Variants in PTPRK observed in about 807,000 individuals in gnomAD.
PTPRK encodes protein tyrosine phosphatase receptor type K, also known as receptor-type tyrosine-protein phosphatase kappa.
Under a neutral mutation model 178.0 loss-of-function variants are expected in PTPRK, and 75 were observed. The ratio of observed to expected loss-of-function variants is 0.42; its 90% CI spans 0.35 to 0.51. The LOEUF is 0.51. PTPRK is among the 20% of genes least tolerant of loss of function. The pLI, the probability that PTPRK is intolerant of heterozygous loss-of-function variation, is 0.02. For missense variants in PTPRK, 1,441 were observed against 1,797.8 expected (o/e 0.80, Z 3.59); for synonymous variants, 637 against 620.6 (o/e 1.03, Z -0.39).
At position 128,121,431 on chromosome 6, in the gene PTPRK, T is replaced by C. The variant is rs193258901; in HGVS notation, c.1163-31439A>G. 2.0e-5 allele frequency among the ~76,000 whole-genome samples: 3 copies of C among 151,700 alleles called. No homozygotes were observed. In the East Asian group the frequency reaches 5.8e-4, roughly 29 times the overall value. On this transcript the variant is annotated intron_variant, in intron 7 of 29. Transcript: ENST00000368226. The stretch of plus-strand genomic sequence containing the variant: ...GACAACACTTGAATGATGTAATTTG[T>C]GTGTGTGTGTGTGAGGCTATCCAGG...
intron 6 of PTPRK, among the ~76,000 whole-genome samples, chr6:128,190,317 C>T (rs1351181439): frequency 6.6e-6 from 1 of 152,032 alleles, no homozygotes; most frequent in African/African-American, 2.4e-5. Context: ...CCAAACAACT[C>T]ATCATAAATT....
At chr6:128,188,309 A>T (rs1048416112) in intron 6 of PTPRK, among the ~76,000 whole-genome samples, 2 of 152,274 alleles carry the variant, frequency 1.3e-5, no homozygotes, top group African/African-American at 4.8e-5. Flanking sequence ...AAATACTCCC[A>T]TTCAGTTATT....
chr6:128,207,611 A>G (rs1417148855), intron 6 of PTPRK, among the ~76,000 whole-genome samples: 1 of 152,330 alleles, frequency 6.6e-6, no homozygotes, highest in South Asian at 2.1e-4. Flanking sequence ...TACCATATAT[A>G]CAAAAGCAGT....
chr6:128,163,313 TAAG>T (rs1798947377), intron 7 of PTPRK, among the ~76,000 whole-genome samples: 1 of 150,964 alleles, frequency 6.6e-6, no homozygotes, highest in Non-Finnish European at 1.5e-5. Flanking sequence ...ATGTTAGAAA[TAAG>T]TATTAATAAT....
chr6:128,433,408 ACCATAGTGAACTCCACGTCCATC>A, intron 1 of PTPRK, among the ~76,000 whole-genome samples: 1 of 152,192 alleles, frequency 6.6e-6, no homozygotes, highest in African/African-American at 2.4e-5. Context: ...TATTTCACTT[ACCATAGTGAACTCCACGTCCATC>A]CCTGCTGTTG....
At chr6:128,333,129 C>T (rs1013415379) in intron 2 of PTPRK, among the ~76,000 whole-genome samples, 6 of 152,158 alleles carry the variant, frequency 3.9e-5, no homozygotes, top group Non-Finnish European at 5.9e-5. Context: ...TCATCACTCA[C>T]CTTTCCAAAA....
chr6:128,295,209 A>G (rs1205261651), intron 3 of PTPRK, among the ~76,000 whole-genome samples: 1 of 152,132 alleles, frequency 6.6e-6, no homozygotes, highest in Non-Finnish European at 1.5e-5. Context: ...AACAGGTCAT[A>G]AAGTATGATT....
chr6:128,216,398 G>A (rs1469689503), intron 6 of PTPRK, among the ~76,000 whole-genome samples: 3 of 151,920 alleles, frequency 2.0e-5, no homozygotes, highest in Non-Finnish European at 2.9e-5. Context: ...AGCTGGGTGC[G>A]GTGGCACACA....
chr6:128,025,286 AGATTGTTTT>A (rs1337337334), intron 13 of PTPRK, among the ~76,000 whole-genome samples: 3 of 152,226 alleles, frequency 2.0e-5, no homozygotes. Flanking sequence ...TGGCTCAGAC[AGATTGTTTT>A]CTCTAACTTT....
intron 7 of PTPRK, among the ~76,000 whole-genome samples, chr6:128,106,704 A>G (rs1311125138): frequency 6.6e-6 from 1 of 152,196 alleles, no homozygotes; most frequent in African/African-American, 2.4e-5. Context: ...TCAATATATC[A>G]TTTAACATTA....
At chr6:127,997,067 T>A in intron 16 of PTPRK, 79 bp from the exon 17 acceptor site, 1 of 1,422,882 alleles carries the variant, frequency 7.0e-7, no homozygotes, top group Non-Finnish European at 9.7e-7. Flanking sequence ...AAGCCCCAAA[T>A]AGTAAAAACC....
intron 13 of PTPRK, chr6:128,062,504 C>A (rs756321870): frequency 1.2e-5 from 2 of 167,032 alleles, no homozygotes; most frequent in Non-Finnish European, 2.9e-5. Flanking sequence ...CTTAGTTTCT[C>A]CCCTGTCCTA....
At chr6:128,018,592 T>C (rs1779874136) in intron 13 of PTPRK, among the ~76,000 whole-genome samples, 1 of 151,988 alleles carries the variant, frequency 6.6e-6, no homozygotes, top group Admixed American at 6.6e-5. Flanking sequence ...TGCTCCTCAC[T>C]TCTTATTGGT....
At chr6:128,201,599 G>A (rs776760053) in intron 6 of PTPRK, among the ~76,000 whole-genome samples, 2 of 152,042 alleles carry the variant, frequency 1.3e-5, no homozygotes, top group Non-Finnish European at 2.9e-5. Context: ...CGGCTCATGC[G>A]TGTAATCTCA....
At chr6:128,021,310 C>T (rs1562449522) in intron 13 of PTPRK, among the ~76,000 whole-genome samples, 1 of 152,116 alleles carries the variant, frequency 6.6e-6, no homozygotes, top group Admixed American at 6.5e-5. Context: ...CAACATCTTC[C>T]CTTGTCTAAA....
Position 128,393,161 on chromosome 6 carries a change from G to A in PTPRK, c.223+4405C>T, listed in dbSNP as rs111364696. Among the ~76,000 whole-genome samples, 1,003 of 148,936 alleles carry A rather than the reference G, an allele frequency of 6.7e-3. 8 individuals are homozygous for A. Among genetic ancestry groups the A allele is most frequent in the Middle Eastern group, 0.031 (9 of 286 alleles). On this transcript the variant is annotated intron_variant, in intron 2 of 29. Coordinates refer to ENST00000368226, the MANE Select transcript of PTPRK (RefSeq NM_002844.4). ...GGCTGCAGTGCAGTGGCCTGATCTC[G>A]GCTCACTGCAACCTCCGCCTCCCAG... is the stretch of plus-strand genomic sequence containing the variant.
chr6:128,340,920 T>C (rs895268125), intron 2 of PTPRK: 5 of 257,032 alleles, frequency 1.9e-5, no homozygotes, highest in Non-Finnish European at 3.0e-5. Flanking sequence ...GATTTAATAG[T>C]ACATTCCAAA....
intron 13 of PTPRK, among the ~76,000 whole-genome samples, chr6:128,012,921 T>C (rs1260338976): frequency 6.7e-6 from 1 of 150,160 alleles, no homozygotes; most frequent in Non-Finnish European, 1.5e-5. Flanking sequence ...ATTAGTGCTT[T>C]CTTTCTTTTT....
intron 3 of PTPRK, among the ~76,000 whole-genome samples, chr6:128,275,288 T>C (rs985791105): frequency 6.6e-6 from 1 of 152,078 alleles, no homozygotes; most frequent in Non-Finnish European, 1.5e-5. Context: ...GCTGCAAATA[T>C]TACTTATCTA....
Sources: allele counts gnomAD v4.1 joint callset (sites outside exome capture counted in the v4.1 genomes callset), GRCh38; gene constraint gnomAD v4.1.1; transcripts MANE v1.5; gene names NCBI Gene and HGNC (gene_info 2026-07-23, HGNC 2026-07-21).